The following PMPCB variants were observed in gnomAD, a reference collection of about 807,000 sequenced individuals.
The protein encoded by PMPCB is mitochondrial-processing peptidase subunit beta.
Under a neutral mutation model 61.5 loss-of-function variants are expected in PMPCB, and 46 were observed. That is an observed-to-expected ratio of 0.75 (90% CI 0.59 to 0.96). PMPCB has a LOEUF of 0.96. Among genes scored for constraint, PMPCB ranks in the 40% least tolerant of loss-of-function variants. PMPCB has a pLI of 0.00. For missense variants in PMPCB, 590 were observed against 602.4 expected, an observed-to-expected ratio of 0.98 and a Z score of 0.22; for synonymous variants, 191 against 201.6, an observed-to-expected ratio of 0.95 and a Z score of 0.44.
At chr7:103,323,568 C>T (rs1210983432) in intron 12 of PMPCB, 2 of 1,429,880 alleles carry the variant, frequency 1.4e-6, no homozygotes, top group Non-Finnish European at 1.9e-6. Flanking sequence ...CAAATAAATA[C>T]CTTCCATTAT....
Position 103,299,427 on chromosome 7 carries a change from C to T in PMPCB, c.241-16C>T, listed in dbSNP as rs149780841. On this transcript the variant is annotated splice_polypyrimidine_tract_variant and intron_variant, in intron 2 of 12. Transcript: ENST00000249269. ...AATAAAATGAATTTATTTAATTGTTCTTTGATTGCATTAAGGTTGGACTCT... is the reference window on the plus strand; with the variant it reads ...AATAAAATGAATTTATTTAATTGTTTTTTGATTGCATTAAGGTTGGACTCT... 145 of 1,483,944 alleles carry T rather than the reference C, an allele frequency of 9.8e-5. No individual in the cohort carries two copies. The East Asian group carries it at 2.7e-3, about 28-fold the overall frequency. 91.9% of individuals were successfully genotyped at this position (1,483,944 alleles called of 1,614,324 possible). A position where few individuals can be genotyped will look rare whatever the true frequency, so the allele number is the denominator to read the frequency against.
chr7:103,333,067 A>G (rs1819037647), downstream of PMPCB, among the ~76,000 whole-genome samples: 1 of 151,086 alleles, frequency 6.6e-6, no homozygotes, highest in Non-Finnish European at 1.5e-5. Flanking sequence ...TGAAAAGCCA[A>G]AATCCTCCAG....
chr7:103,303,921 TAG>T lies in PMPCB; in HGVS notation c.543_544del (p.Glu181AspfsTer5). On this transcript the variant is annotated frameshift_variant, in exon 5 of 13. Transcript: ENST00000249269. LOFTEE classifies it high-confidence loss of function. ...TTGAACGTGAGCGTGGAGTAATCCT[TAG>T]AGAGATGCAGGAAGTTGAAACCAAT... ...EIERERGVIL[R>X]EMQEVETNLQ... 1.9e-6 allele frequency: 3 copies of T among 1,613,738 alleles called. No individual in the cohort carries two copies. The highest frequency in any genetic ancestry group is 2.5e-6 in the Non-Finnish European group (3 of 1,179,630).
rs1442124845 is a variant in PMPCB at position 103,297,465 on chromosome 7, G to A, written c.6G>A (p.Ala2=). ...CTACCTTCCTTCTAGCAGAAATGGCGGCTGCGGCGGCTCGAGTGGTGTTGT... is the reference window on the plus strand; with the variant it reads ...CTACCTTCCTTCTAGCAGAAATGGCAGCTGCGGCGGCTCGAGTGGTGTTGT... M[A]AAAARVVLSS... The change falls in exon 1 of 13, where the codon GCG becomes GCA. Residue 2 remains alanine, a synonymous_variant. Coordinates refer to ENST00000249269, the MANE Select transcript of PMPCB (RefSeq NM_004279.3). 1.3e-6 allele frequency: 2 copies of A among 1,542,660 alleles called. No individual in the cohort carries two copies. The highest frequency in any genetic ancestry group is 1.2e-5 in the South Asian group (1 of 80,476).
chr7:103,310,802 C>G (rs1370418661), intron 9 of PMPCB: 2 of 159,724 alleles, frequency 1.3e-5, no homozygotes, highest in East Asian at 3.7e-4. Context: ...CTCAGCCTCC[C>G]GAATAGCTGG....
chr7:103,299,355 G>C, intron 2 of PMPCB, 88 bp from the exon 3 acceptor site: 1 of 725,482 alleles, frequency 1.4e-6, no homozygotes. Flanking sequence ...AGACCAGAAA[G>C]CATTTGTCAG....
chr7:103,326,252 A>G (rs145071587), intron 12 of PMPCB, among the ~76,000 whole-genome samples: 175 of 152,332 alleles, frequency 1.1e-3, no homozygotes, highest in African/African-American at 4.1e-3. Flanking sequence ...TGCTGGGATT[A>G]CAGGTGTGAA....
intron 12 of PMPCB, among the ~76,000 whole-genome samples, chr7:103,322,279 A>G (rs942908046): frequency 2.0e-5 from 3 of 152,186 alleles, no homozygotes; most frequent in Admixed American, 2.0e-4. Flanking sequence ...AAATTGACAT[A>G]TTAGAAATAA....
the PMPCB span, among the ~76,000 whole-genome samples, chr7:103,343,256 C>T: frequency 6.6e-6 from 1 of 152,204 alleles, no homozygotes; most frequent in African/African-American, 2.4e-5. Flanking sequence ...CTGCCTCGGC[C>T]TCCCAAAGTG....
intron 3 of PMPCB, among the ~76,000 whole-genome samples, chr7:103,299,972 G>A (rs1204783140): frequency 2.0e-5 from 3 of 151,850 alleles, no homozygotes; most frequent in African/African-American, 4.8e-5. Context: ...TGTTGGCCTC[G>A]ATCTCTTGGG....
chr7:103,337,778 G>A, the PMPCB span: 2 of 1,613,444 alleles, frequency 1.2e-6, no homozygotes, highest in Non-Finnish European at 1.7e-6. Context: ...TATCTCACAT[G>A]GCCAAGTCCA....
rs145230113 is a variant in PMPCB at position 103,305,344 on chromosome 7, T to C, written c.736+854T>C. Among the ~76,000 whole-genome samples the C allele has an allele frequency of 5.3e-5, 8 of 152,326 alleles. No homozygotes were observed. The East Asian group carries it at 1.5e-3, about 29-fold the overall frequency. ...TGAAAAAAAAAATTGACAACAGATA[T>C]TGCCAGATTTCCTGGCAGTCTGAAT... On this transcript the variant is annotated intron_variant, in intron 6 of 12. Transcript: ENST00000249269.
chr7:103,299,557 A>C (rs1817390625), intron 3 of PMPCB, 28 bp downstream of exon 3: 1 of 1,355,190 alleles, frequency 7.4e-7, no homozygotes, highest in African/African-American at 1.4e-5. Flanking sequence ...ACAAAAATGC[A>C]CTCTCTTTAA....
chr7:103,312,176 C>T (rs770490810), intron 12 of PMPCB, 31 bp from the exon 13 acceptor site: 2 of 1,613,954 alleles, frequency 1.2e-6, no homozygotes, highest in South Asian at 2.2e-5. Flanking sequence ...TGGCCAAGTA[C>T]TTTTAATTAA....
chr7:103,312,432 T>C lies in PMPCB; in HGVS notation c.*161T>C. The C allele has an allele frequency of 6.6e-7, 1 of 1,513,110 alleles. No homozygotes were observed. Among genetic ancestry groups the C allele is most frequent in the African/African-American group, 1.4e-5 (1 of 71,138 alleles). The allele number at this position is 1,513,110 out of a possible 1,614,324, so 93.7% of individuals were successfully genotyped here. A position where few individuals can be genotyped will look rare whatever the true frequency, so the allele number is the denominator to read the frequency against. On this transcript the variant is annotated 3_prime_UTR_variant, in exon 13 of 13. Transcript: ENST00000249269. ...CCCTCTGAAGGTTGTTTTGTATTAA[T>C]GGTCAGTCTTTGTTCTCTGAGAAAT...
In PMPCB at chr7:103,314,015, TAAAG is replaced by T; in HGVS notation, c.*1747_*1750del. 4.1e-6 allele frequency: 4 copies of T among 985,290 alleles called. No individual in the cohort carries two copies. The highest frequency in any genetic ancestry group is 3.6e-6 in the Non-Finnish European group (3 of 829,888). 61.0% of individuals were successfully genotyped at this position (985,290 alleles called of 1,614,324 possible). ...CTAGAAACCAAAGTTCCTTCCCAAT[TAAAG>T]AAGGAAAAACAAAACAAAACAAAAC... On this transcript the variant is annotated 3_prime_UTR_variant, in exon 13 of 13. Transcript: ENST00000249269.
Position 103,297,515 on chromosome 7 carries a change from G to C in PMPCB, c.56G>C (p.Trp19Ser). 6.3e-7 allele frequency: 1 copy of C among 1,598,132 alleles called. No individual in the cohort carries two copies. The change falls in exon 1 of 13, where the codon TGG (tryptophan) becomes TCG (serine). Residue 19 changes from tryptophan to serine, a missense_variant. Trp to Ser is a radical substitution (Grantham distance 177). Transcript: ENST00000249269. ...VLSSAARRRL[W>S]GFSESLLIRG... is the part of the protein sequence containing the mutation. ...TCATCCGCGGCGCGGCGGCGGCTCT[G>C]GGGTTTCAGCGAGAGTCTTCTAATC...
At position 103,321,921 on chromosome 7, in the gene PMPCB, G is replaced by T. The variant is rs148392195; in HGVS notation, c.*1432-7010G>T. ...TTTACTTGTGCCTAGTGTTTGTTCA[G>T]TCTGATATACCTTGCATGAGTTTCG... On this transcript the variant is annotated intron_variant and NMD_transcript_variant, in intron 12 of 12. Transcript: ENST00000444457. 33 of 1,609,440 alleles carry T rather than the reference G, an allele frequency of 2.1e-5. No homozygotes were observed. The East Asian group carries it at 7.4e-4, about 36-fold the overall frequency.
At chr7:103,344,751 G>C in the PMPCB span, 1 of 910,426 alleles carries the variant, frequency 1.1e-6, no homozygotes, top group Non-Finnish European at 1.7e-6. Context: ...AGGAACCGGC[G>C]CATGGAGACG....
Sources: gnomAD v4.1 joint callset for allele counts (sites outside exome capture counted in the v4.1 genomes callset) on GRCh38, gnomAD v4.1.1 for gene constraint, MANE v1.5 for transcripts, NCBI Gene and HGNC (gene_info 2026-07-23, HGNC 2026-07-21) for gene names.